UTRN: variants seen among roughly 807,000 people sequenced by gnomAD.
UTRN encodes dystrophin-related protein 1.
UTRN carries 283 observed loss-of-function variants against 463.9 expected under a neutral mutation model. That is an observed-to-expected ratio of 0.61 (90% CI 0.55 to 0.67). UTRN has a LOEUF of 0.67. Among genes scored for constraint, UTRN ranks in the 30% least tolerant of loss-of-function variants. The pLI is 0.00. For synonymous variants in UTRN, 1,442 were observed against 1,431.5 expected (o/e 1.01, Z -0.17); for missense variants, 3,922 against 4,084.3 (o/e 0.96, Z 1.08).
intron 50 of UTRN, among the ~76,000 whole-genome samples, chr6:144,561,208 TATATATATA>T (rs1799841934): frequency 6.9e-3 from 23 of 3,344 alleles, no homozygotes; most frequent in Non-Finnish European, 0.024. Flanking sequence ...AATAACATTA[TATATATATA>T]TATATATATA....
rs779493634 is a variant in UTRN at position 144,514,635 on chromosome 6, T to A, written c.5074-15T>A. 2.1e-5 allele frequency: 34 copies of A among 1,610,634 alleles called. No homozygotes were observed. Among genetic ancestry groups the A allele is most frequent in the Non-Finnish European group, 2.6e-5 (31 of 1,178,728 alleles). ...ATTTTTCCCATGAGATAATTTTGTG[T>A]TTTCTTATAATTAGCGTTTAGTATC... On this transcript the variant is annotated splice_polypyrimidine_tract_variant and intron_variant, in intron 36 of 74. Transcript: ENST00000367545.
chr6:144,456,585 G>A (rs538839532), intron 19 of UTRN, among the ~76,000 whole-genome samples: 4 of 151,236 alleles, frequency 2.6e-5, no homozygotes, highest in South Asian at 4.2e-4. Flanking sequence ...CCAGGGAGTC[G>A]GAGGTTGCAG....
chr6:144,499,289 A>C lies in UTRN; in HGVS notation c.4626A>C (p.Ala1542=), dbSNP rs35303759. Residue 1542 remains alanine, a synonymous_variant, in exon 34 of 75, where the codon GCA becomes GCC. Coordinates refer to ENST00000367545, the MANE Select transcript of UTRN (RefSeq NM_007124.3). ...VTEGKQDLER[A]SQLARKMKKE... ...AAGGAAAACAGGATCTGGAAAGAGC[A>C]TCACAGTTGGCCCGGAAAATGAAGA... The C allele has an allele frequency of 5.0e-3, 8,047 of 1,613,174 alleles. 58 individuals are homozygous for C. Among genetic ancestry groups the C allele is most frequent in the Middle Eastern group, 0.014 (82 of 6,056 alleles).
Position 144,779,620 on chromosome 6 carries a change from G to A in UTRN, c.8633-2302G>A, listed in dbSNP as rs968047628. Among the ~76,000 whole-genome samples the A allele has an allele frequency of 2.0e-4, 30 of 152,174 alleles. 1 individual carries two copies. Among genetic ancestry groups the A allele is most frequent in the Non-Finnish European group, 1.0e-4 (7 of 68,028 alleles). On this transcript the variant is annotated intron_variant, in intron 60 of 74. Transcript: ENST00000367545. ...AGCAGTTGGTGTTGCTGTCTCAGGG[G>A]TAACAGAGGCAGAAAGGGTAGAGGA...
intron 53 of UTRN, chr6:144,708,480 T>A: frequency 1.9e-6 from 1 of 533,656 alleles, no homozygotes; most frequent in South Asian, 2.2e-5. Flanking sequence ...CTTCATCCCC[T>A]CTGAGTTCTT....
rs1790334475 is a variant in UTRN, at chr6:144,469,848, C to CGCCTTCCGCAGTGTTTGTGTCCCTGGGT, written c.3067-3871_3067-3844dup. Among the ~76,000 whole-genome samples the CGCCTTCCGCAGTGTTTGTGTCCCTGGGT allele has an allele frequency of 3.3e-5, 5 of 151,872 alleles. No homozygotes were observed. In the South Asian group the frequency reaches 1.0e-3, roughly 32 times the overall value. ...GGTTTTCCTAGGCAGAGGGCCCTGC[C>CGCCTTCCGCAGTGTTTGTGTCCCTGGGT]GCCTTCCGCAGTGTTTGTGTCCCTG... is the stretch of plus-strand genomic sequence containing the variant. On this transcript the variant is annotated intron_variant, in intron 23 of 74. Transcript: ENST00000367545.
chr6:144,499,513 T>C lies in UTRN; in HGVS notation c.4764+86T>C, dbSNP rs529227183. 7 of 1,154,390 alleles carry C rather than the reference T, an allele frequency of 6.1e-6. No individual in the cohort carries two copies. In the African/African-American group the frequency reaches 1.1e-4, roughly 18 times the overall value. The allele number at this position is 1,154,390 out of a possible 1,614,324, so 71.5% of individuals were successfully genotyped here. On this transcript the variant is annotated intron_variant, in intron 34 of 74. Transcript: ENST00000367545. ...GCGACCTGGTTGGATACCATGTCCC[T>C]CCATTTTATATTAAATCTAGCCTTT...
chr6:144,792,943 A>G (rs1005456604), intron 62 of UTRN, among the ~76,000 whole-genome samples: 1 of 152,182 alleles, frequency 6.6e-6, no homozygotes, highest in East Asian at 1.9e-4. Context: ...AAAACAAATC[A>G]GTTTTTTAAT....
intron 2 of UTRN, among the ~76,000 whole-genome samples, chr6:144,340,506 T>A (rs1777062753): frequency 6.6e-6 from 1 of 152,184 alleles, no homozygotes; most frequent in South Asian, 2.1e-4. Flanking sequence ...TTTGCTTCCC[T>A]CTCTAACTTC....
At chr6:144,678,343 T>C in intron 51 of UTRN, 63 bp from the exon 52 acceptor site, 1 of 1,483,274 alleles carries the variant, frequency 6.7e-7, no homozygotes, top group African/African-American at 1.4e-5. Flanking sequence ...GCAACTCATC[T>C]GTGAATATAA....
chr6:144,339,438 G>A (rs562041138), intron 2 of UTRN, among the ~76,000 whole-genome samples: 5 of 152,016 alleles, frequency 3.3e-5, no homozygotes, highest in Admixed American at 6.6e-5. Flanking sequence ...CTATAGATTA[G>A]TTCATAGATT....
chr6:144,724,195 C>T (rs1267262971), intron 53 of UTRN, among the ~76,000 whole-genome samples: 1 of 148,710 alleles, frequency 6.7e-6, no homozygotes, highest in Admixed American at 6.7e-5. Context: ...CAGAGTTGTG[C>T]ACCATTATTG....
chr6:144,523,203 A>G lies in UTRN; in HGVS notation c.5906+15A>G. ...GATCGGAAAGGGTATGTGTAAATGA[A>G]ATTAATATTTAATTTAAAAAAATGC... On this transcript the variant is annotated intron_variant, in intron 41 of 74. Transcript: ENST00000367545. The G allele has an allele frequency of 6.6e-7, 1 of 1,504,946 alleles. No homozygotes were observed. Among genetic ancestry groups the G allele is most frequent in the African/African-American group, 1.4e-5 (1 of 70,398 alleles). 93.2% of individuals were successfully genotyped at this position (1,504,946 alleles called of 1,614,324 possible).
rs1777671993 is a variant in UTRN, at chr6:144,801,210, G to A, written c.9246-1826G>A. ...TACATCTAAAATTTGTATTTCGAAT[G>A]AGAGAGAAATATGTCCAGACTTGAT... On this transcript the variant is annotated intron_variant, in intron 64 of 74. Transcript: ENST00000367545. Among the ~76,000 whole-genome samples the A allele has an allele frequency of 1.3e-5, 2 of 152,070 alleles. 1 individual carries two copies. The highest frequency in any genetic ancestry group is 4.2e-4 in the South Asian group (2 of 4,818).
chr6:144,538,077 A>G (rs1386772640), intron 44 of UTRN, among the ~76,000 whole-genome samples: 4 of 152,216 alleles, frequency 2.6e-5, no homozygotes, highest in African/African-American at 9.6e-5. Context: ...AAGCTGCAAA[A>G]CTCAACTTTA....
rs1202524246 is a variant in UTRN, at chr6:144,444,527, C to T, written c.1614+145C>T. 7 of 448,140 alleles carry T rather than the reference C, an allele frequency of 1.6e-5. No individual in the cohort carries two copies. In the East Asian group the frequency reaches 2.7e-4, roughly 18 times the overall value. 27.8% of individuals were successfully genotyped at this position (448,140 alleles called of 1,614,324 possible). On this transcript the variant is annotated intron_variant, in intron 14 of 74. Coordinates refer to ENST00000367545, the MANE Select transcript of UTRN (RefSeq NM_007124.3). ...TTATTTTAAAGATCAAATTTCTATC[C>T]AGTTTATAACTGATCATGAAGCTTA...
chr6:144,553,963 C>A, intron 48 of UTRN, among the ~76,000 whole-genome samples: 1 of 146,578 alleles, frequency 6.8e-6, no homozygotes, highest in East Asian at 2.0e-4. Flanking sequence ...GTCCTTAAAA[C>A]CTTGTTAAAA....
chr6:144,835,593 G>A (rs1024326982), intron 69 of UTRN, among the ~76,000 whole-genome samples, 187 bp from the exon 70 acceptor site: 2 of 152,212 alleles, frequency 1.3e-5, no homozygotes, highest in Non-Finnish European at 2.9e-5. Context: ...GTTGACTCAT[G>A]TAATATCCAT....
chr6:144,505,166 G>A (rs372806557), intron 34 of UTRN, among the ~76,000 whole-genome samples: 3 of 152,024 alleles, frequency 2.0e-5, no homozygotes, highest in African/African-American at 4.8e-5. Flanking sequence ...TTCTTTATTA[G>A]TCTGGCTAGT....
Sources: allele counts gnomAD v4.1 joint callset (sites outside exome capture counted in the v4.1 genomes callset), GRCh38; gene constraint gnomAD v4.1.1; transcripts MANE v1.5; gene names NCBI Gene and HGNC (gene_info 2026-07-23, HGNC 2026-07-21).